The following CEP170 variants were observed in gnomAD, a reference collection of about 807,000 sequenced individuals.
CEP170 encodes the protein centrosomal protein of 170 kDa.
Under a neutral mutation model 151.9 loss-of-function variants are expected in CEP170, and 21 were observed. The observed-to-expected ratio is 0.14, with a 90% CI of 0.10 to 0.20. The LOEUF is 0.20. Among genes scored for constraint, CEP170 ranks in the 10% least tolerant of loss-of-function variants. CEP170 has a pLI of 1.00. For synonymous variants in CEP170, 356 were observed against 648.8 expected (o/e 0.55, Z 6.86); for missense variants, 964 against 1,892.9 (o/e 0.51, Z 9.11).
rs1209034937 is a variant in CEP170 at position 243,165,687 on chromosome 1, T to C, written c.2273A>G (p.Gln758Arg). The part of the protein sequence containing the change: ...LQQQEQREEA[Q>R]WTPTKLSSKN... ...GGAAGACAATTTAGTAGGTGTCCAC[T>C]GAGCCTCCTCCCTTTGTTCTTGTTG... Residue 758 changes from glutamine to arginine, a missense_variant, in exon 13 of 20, where the codon CAG becomes CGG. By Grantham distance (43) the Gln-to-Arg change is conservative (BLOSUM62 1). Coordinates refer to ENST00000366542, the MANE Select transcript of CEP170 (RefSeq NM_014812.3). 9 of 1,614,092 alleles carry C rather than the reference T, an allele frequency of 5.6e-6. No homozygotes were observed. In the Admixed American group the frequency reaches 6.7e-5, roughly 12 times the overall value.
At chr1:243,157,040 G>GA (rs2057628529) in intron 13 of CEP170, among the ~76,000 whole-genome samples, 1 of 152,232 alleles carries the variant, frequency 6.6e-6, no homozygotes, top group East Asian at 1.9e-4. Flanking sequence ...GCTATGGTTG[G>GA]AAAAAATCTT....
intron 2 of CEP170, among the ~76,000 whole-genome samples, chr1:243,222,817 A>C (rs1017946312): frequency 3.3e-5 from 5 of 152,234 alleles, no homozygotes; most frequent in Non-Finnish European, 7.3e-5. Flanking sequence ...AAAAGTAGAG[A>C]GACAAGCAAA....
chr1:243,184,635 T>G (rs187571622), intron 10 of CEP170, among the ~76,000 whole-genome samples: 45 of 152,272 alleles, frequency 3.0e-4, no homozygotes, highest in African/African-American at 8.9e-4. Context: ...TAAGAGATTT[T>G]ATACACTATA....
intron 1 of CEP170, among the ~76,000 whole-genome samples, chr1:243,230,619 C>T (rs1441701337): frequency 2.0e-5 from 3 of 152,028 alleles, no homozygotes; most frequent in Non-Finnish European, 2.9e-5. Context: ...GTAAGAAAAA[C>T]TCAATAGAGG....
intron 3 of CEP170, 116 bp downstream of exon 3, chr1:243,221,607 GA>G (rs1188639643): frequency 1.9e-6 from 2 of 1,049,872 alleles, no homozygotes; most frequent in African/African-American, 1.6e-5. Context: ...ATAAGCATTT[GA>G]AAATAACATA....
intron 14 of CEP170, among the ~76,000 whole-genome samples, chr1:243,143,975 C>T (rs1048892742): frequency 6.6e-6 from 1 of 152,192 alleles, no homozygotes; most frequent in African/African-American, 2.4e-5. Flanking sequence ...TATGGACCAA[C>T]AGAACCAATT....
intron 1 of CEP170, among the ~76,000 whole-genome samples, chr1:243,241,528 G>A (rs533625023): frequency 2.6e-5 from 4 of 152,190 alleles, no homozygotes; most frequent in South Asian, 2.1e-4. Context: ...GGTGGCTCGC[G>A]TCTGTAATCC....
At chr1:243,187,119 A>T (rs1246403096) in intron 8 of CEP170, among the ~76,000 whole-genome samples, 3 of 152,216 alleles carry the variant, frequency 2.0e-5, no homozygotes, top group Non-Finnish European at 4.4e-5. Context: ...AGGGTCATCT[A>T]TGAAATCTCC....
intron 1 of CEP170, among the ~76,000 whole-genome samples, chr1:243,246,709 C>T (rs2065437436): frequency 6.6e-6 from 1 of 152,032 alleles, no homozygotes; most frequent in Non-Finnish European, 1.5e-5. Flanking sequence ...GGGTTACTGG[C>T]TAGTGGGATT....
chr1:243,129,355 T>C lies in CEP170; in HGVS notation c.4413+5A>G, dbSNP rs775722928. 8.3e-6 allele frequency: 13 copies of C among 1,567,818 alleles called. No homozygotes were observed. In the South Asian group the frequency reaches 1.2e-4, roughly 15 times the overall value. Reference sequence around the variant, plus strand: ...TGTTTTAATCTTCAAGAAAAATTACTATACCATGCTTGAGGTTTTCACAAT... The same window carrying C: ...TGTTTTAATCTTCAAGAAAAATTACCATACCATGCTTGAGGTTTTCACAAT... On this transcript the variant is annotated splice_donor_5th_base_variant and intron_variant, in intron 18 of 19. Transcript: ENST00000366542.
chr1:243,161,276 C>A (rs1004142543), intron 13 of CEP170, among the ~76,000 whole-genome samples: 14 of 149,576 alleles, frequency 9.4e-5, no homozygotes, highest in Admixed American at 1.3e-4. Flanking sequence ...ACACTCCAGC[C>A]TGGGCAACAA....
intron 10 of CEP170, among the ~76,000 whole-genome samples, chr1:243,177,706 C>T (rs1159918029): frequency 6.6e-6 from 1 of 152,064 alleles, no homozygotes; most frequent in African/African-American, 2.4e-5. Flanking sequence ...TTGTAATTGT[C>T]TATGAAAATC....
intron 14 of CEP170, among the ~76,000 whole-genome samples, chr1:243,149,108 T>C (rs1180453092): frequency 2.0e-5 from 3 of 152,182 alleles, no homozygotes; most frequent in Non-Finnish European, 2.9e-5. Context: ...CACCTCCCAT[T>C]ATTGTGAATG....
intron 1 of CEP170, among the ~76,000 whole-genome samples, chr1:243,242,911 G>A (rs2065000187): frequency 6.6e-6 from 1 of 152,040 alleles, no homozygotes; most frequent in South Asian, 2.1e-4. Context: ...TGCTGGTCAG[G>A]CTGGTCTCCA....
Position 243,180,324 on chromosome 1 carries a change from C to T in CEP170, c.1566+5455G>A, listed in dbSNP as rs566472227. Among the ~76,000 whole-genome samples, 361 of 152,220 alleles carry T rather than the reference C, an allele frequency of 2.4e-3. 1 individual carries two copies. Among genetic ancestry groups the T allele is most frequent in the African/African-American group, 8.5e-3 (352 of 41,530 alleles). On this transcript the variant is annotated intron_variant, in intron 10 of 19. Transcript: ENST00000366542. ...GCTGAATAAAAGGTGAGGGTTCCCTCGTGAAGCTTTGGAAATTAACACAGC... is the reference window on the plus strand; with the variant it reads ...GCTGAATAAAAGGTGAGGGTTCCCTTGTGAAGCTTTGGAAATTAACACAGC...
At chr1:243,242,719 A>G (rs2149136801) in intron 1 of CEP170, among the ~76,000 whole-genome samples, 1 of 150,014 alleles carries the variant, frequency 6.7e-6, no homozygotes. Context: ...TTTTTTCTCC[A>G]AGACGGAGTT....
chr1:243,191,564 G>A (rs1011782184), intron 7 of CEP170, 70 bp from the exon 8 acceptor site: 103 of 1,337,276 alleles, frequency 7.7e-5, no homozygotes, highest in Non-Finnish European at 1.0e-4. Flanking sequence ...TCTGGTAATG[G>A]CCATGTGTAC....
chr1:243,221,213 A>AC (rs1389105861), intron 3 of CEP170, among the ~76,000 whole-genome samples: 13 of 152,000 alleles, frequency 8.6e-5, no homozygotes, highest in Admixed American at 3.3e-4. Context: ...TTTAGTAGAG[A>AC]GGGGGTTCAC....
At chr1:243,197,710 T>C (rs1558562958) in intron 7 of CEP170, among the ~76,000 whole-genome samples, 1 of 152,084 alleles carries the variant, frequency 6.6e-6, no homozygotes, top group Non-Finnish European at 1.5e-5. Flanking sequence ...GCTAGCTAGC[T>C]GATGACGACA....
Sources: allele counts gnomAD v4.1 joint callset (sites outside exome capture counted in the v4.1 genomes callset), GRCh38; gene constraint gnomAD v4.1.1; transcripts MANE v1.5; gene names NCBI Gene and HGNC (gene_info 2026-07-23, HGNC 2026-07-21).